The following FREM1 variants were observed in gnomAD, a reference collection of about 807,000 sequenced individuals.
The protein encoded by FREM1 is FRAS1 related extracellular matrix 1.
In FREM1, 220 loss-of-function variants were observed where a neutral mutation model predicts 210.1. The ratio of observed to expected loss-of-function variants is 1.05; its 90% CI spans 0.94 to 1.17. FREM1 has a LOEUF of 1.17. FREM1 is among the 50% of genes most tolerant of loss of function. The pLI, the probability that FREM1 is intolerant of heterozygous loss-of-function variation, is 0.00. For missense variants in FREM1, 3,454 were observed against 2,675.5 expected (o/e 1.29, Z -6.42); for synonymous variants, 1,189 against 980.2 (o/e 1.21, Z -3.98).
intron 27 of FREM1, among the ~76,000 whole-genome samples, chr9:14,762,112 G>A (rs1845603865): frequency 6.6e-6 from 1 of 151,844 alleles, no homozygotes; most frequent in Non-Finnish European, 1.5e-5. Context: ...AGAATTACAA[G>A]ATAACAAACA....
intron 21 of FREM1, among the ~76,000 whole-genome samples, chr9:14,794,772 G>C (rs1397342761): frequency 6.6e-6 from 1 of 152,128 alleles, no homozygotes. Context: ...GGCTGAGGCA[G>C]GCAGATCACG....
chr9:14,872,126 G>C (rs1832787006), intron 1 of FREM1, among the ~76,000 whole-genome samples: 1 of 152,086 alleles, frequency 6.6e-6, no homozygotes, highest in South Asian at 2.1e-4. Flanking sequence ...TGTTCTTTTG[G>C]CTTAGGATTG....
At chr9:14,828,834 C>A (rs1376180792) in intron 10 of FREM1, among the ~76,000 whole-genome samples, 2 of 152,162 alleles carry the variant, frequency 1.3e-5, no homozygotes, top group African/African-American at 4.8e-5. Flanking sequence ...CTCTCCCAGA[C>A]TGAAAGTTCC....
At chr9:14,777,894 TG>T (rs1473274693) in intron 24 of FREM1, among the ~76,000 whole-genome samples, 5 of 152,304 alleles carry the variant, frequency 3.3e-5, no homozygotes, top group Admixed American at 3.3e-4. Flanking sequence ...TGAGTTTGGC[TG>T]AGTACTGATA....
In FREM1 at chr9:14,759,867, G is replaced by A. The variant is rs755815570; in HGVS notation, c.5239C>T (p.Gln1747Ter). ...ELKWSHIEWS[Q>*]TEYEVCENVG... ...TTCTCACAGACTTCATATTCGGTCT[G>A]TGACCATTCAATATGAGACCACTTC... The change falls in exon 28 of 37, where the codon CAG becomes TAG. Residue 1747 changes from glutamine (Q) to a stop codon, truncating the protein, a stop_gained. Transcript: ENST00000380880. LOFTEE classifies it high-confidence loss of function. 2 of 1,612,058 alleles carry A rather than the reference G, an allele frequency of 1.2e-6. No individual in the cohort carries two copies. Among genetic ancestry groups the A allele is most frequent in the Non-Finnish European group, 8.5e-7 (1 of 1,178,662 alleles).
intron 22 of FREM1, among the ~76,000 whole-genome samples, chr9:14,792,049 T>C (rs1227708804): frequency 6.6e-6 from 1 of 152,136 alleles, no homozygotes; most frequent in African/African-American, 2.4e-5. Context: ...TTCACCACGT[T>C]GGCCAGGATG....
intron 24 of FREM1, among the ~76,000 whole-genome samples, chr9:14,776,882 T>C (rs531189694): frequency 1.4e-3 from 213 of 152,330 alleles, no homozygotes; most frequent in Non-Finnish European, 2.1e-3. Flanking sequence ...TAATCTCTTA[T>C]GGTTTACATG....
chr9:14,738,844 T>C (rs991580242), intron 36 of FREM1, among the ~76,000 whole-genome samples: 1 of 151,690 alleles, frequency 6.6e-6, no homozygotes, highest in African/African-American at 2.4e-5. Context: ...ACCCCGTCTC[T>C]ACTAAAAATA....
intron 20 of FREM1, 92 bp downstream of exon 20, chr9:14,801,560 T>C: frequency 5.9e-6 from 5 of 846,294 alleles, no homozygotes; most frequent in Non-Finnish European, 9.5e-6. Context: ...TCTCTGCTTA[T>C]ATTAGTTTGA....
intron 20 of FREM1, among the ~76,000 whole-genome samples, chr9:14,799,744 T>C (rs1477355320): frequency 1.3e-5 from 2 of 152,222 alleles, no homozygotes; most frequent in African/African-American, 2.4e-5. Flanking sequence ...TCCTAGAATG[T>C]ATTTCTTTGC....
Position 14,775,850 on chromosome 9 carries a change from G to C in FREM1, c.4796C>G (p.Thr1599Arg), listed in dbSNP as rs567441582. 8 of 1,613,172 alleles carry C rather than the reference G, an allele frequency of 5.0e-6. No individual in the cohort carries two copies. In the South Asian group the frequency reaches 5.5e-5, roughly 11 times the overall value. Residue 1599 changes from threonine to arginine, a missense_variant, in exon 25 of 37, where the codon ACA (threonine) becomes AGA (arginine). Coordinates refer to ENST00000380880, the MANE Select transcript of FREM1 (RefSeq NM_001379081.2). ...CCCATTCACAATAAAGCCTTGGTTT[G>C]TCCCATCTGTGGCCATGAAAGTAAA... ...DCFTFMATDG[T>R]NQGFIVNGRV...
chr9:14,842,820 A>G (rs980388505), intron 8 of FREM1, among the ~76,000 whole-genome samples, 160 bp from the exon 9 acceptor site: 2 of 152,226 alleles, frequency 1.3e-5, no homozygotes, highest in African/African-American at 4.8e-5. Context: ...CTGGGAGAAC[A>G]TATCTAGTTT....
intron 3 of FREM1, among the ~76,000 whole-genome samples, chr9:14,860,506 T>C (rs1564098285): frequency 6.9e-6 from 1 of 145,780 alleles, no homozygotes; most frequent in Non-Finnish European, 1.5e-5. Context: ...ATTTTTACTT[T>C]TAATTTTGTG....
chr9:14,876,618 C>T (rs1426651154), intron 1 of FREM1, among the ~76,000 whole-genome samples: 1 of 152,186 alleles, frequency 6.6e-6, no homozygotes, highest in Non-Finnish European at 1.5e-5. Flanking sequence ...ACTCCCTGAT[C>T]CCTTGCGCTT....
At position 14,756,389 on chromosome 9, in the gene FREM1, T is replaced by C. The variant is rs1047075726; in HGVS notation, c.5392A>G (p.Ile1798Val). The change falls in exon 29 of 37, where the codon ATT (isoleucine) becomes GTT (valine). Residue 1798 changes from isoleucine to valine, a missense_variant. Physicochemically the swap from Ile to Val is conservative, Grantham distance 29. Coordinates refer to ENST00000380880, the MANE Select transcript of FREM1 (RefSeq NM_001379081.2). ...CAAAATGTACCTGGGTCAAACTGAATCAGTTTAGATGGAATCACGGTGAAA... is the reference window on the plus strand; with the variant it reads ...CAAAATGTACCTGGGTCAAACTGAACCAGTTTAGATGGAATCACGGTGAAA... ...KDFTVIPSKL[I>V]QFDPGMSTKM... 14 of 1,599,170 alleles carry C rather than the reference T, an allele frequency of 8.8e-6. No homozygotes were observed. In the African/African-American group the frequency reaches 1.7e-4, roughly 20 times the overall value.
Position 14,747,411 on chromosome 9 carries a change from G to A in FREM1, c.5862C>T (p.Ser1954=). The change falls in exon 33 of 37, where the codon TCC becomes TCT. Residue 1954 remains serine (S), a synonymous_variant. Coordinates refer to ENST00000380880, the MANE Select transcript of FREM1 (RefSeq NM_001379081.2). ...GGAAACTGTCATCCTCCAGTTTCAAGGAAACTATCCCATGATACTTGAGGA... is the reference window on the plus strand; with the variant it reads ...GGAAACTGTCATCCTCCAGTTTCAAAGAAACTATCCCATGATACTTGAGGA... ...DIIYNYHGIV[S]LKLEDDSFPT... 2 of 1,613,210 alleles carry A rather than the reference G, an allele frequency of 1.2e-6. No individual in the cohort carries two copies. The highest frequency in any genetic ancestry group is 1.7e-6 in the Non-Finnish European group (2 of 1,179,576).
At chr9:14,907,129 T>C (rs977896648) in intron 1 of FREM1, among the ~76,000 whole-genome samples, 10 of 152,202 alleles carry the variant, frequency 6.6e-5, no homozygotes, top group Non-Finnish European at 1.2e-4. Flanking sequence ...TTTAAAAATA[T>C]TCTAACTTAG....
intron 3 of FREM1, among the ~76,000 whole-genome samples, chr9:14,863,580 C>A (rs1830966613): frequency 6.6e-6 from 1 of 152,028 alleles, no homozygotes; most frequent in East Asian, 1.9e-4. Context: ...CAGGATACGG[C>A]TAAAAATTTG....
intron 9 of FREM1, among the ~76,000 whole-genome samples, chr9:14,842,079 TG>T (rs1825789365): frequency 6.6e-6 from 1 of 152,204 alleles, no homozygotes; most frequent in Non-Finnish European, 1.5e-5. Context: ...ATGGTTACTT[TG>T]AGGCTCAGCT....
Sources: allele counts gnomAD v4.1 joint callset (sites outside exome capture counted in the v4.1 genomes callset), GRCh38; gene constraint gnomAD v4.1.1; transcripts MANE v1.5; gene names NCBI Gene and HGNC (gene_info 2026-07-23, HGNC 2026-07-21).